Variants in UBE3D observed in about 807,000 individuals in gnomAD.
UBE3D encodes the protein ubiquitin protein ligase E3D, also known as E3 ubiquitin-protein ligase E3D.
UBE3D carries 48 observed loss-of-function variants against 49.6 expected under a neutral mutation model. The observed-to-expected ratio is 0.97, with a 90% CI of 0.77 to 1.23. UBE3D has a LOEUF of 1.23. Among genes scored for constraint, UBE3D ranks in the 50% most tolerant of loss-of-function variants. The probability of loss-of-function intolerance (pLI) is 0.00; values close to 1 mark genes in which losing one functional copy is unlikely to be tolerated. For missense variants in UBE3D, 452 were observed against 468.4 expected, an observed-to-expected ratio of 0.96 and a Z score of 0.32; for synonymous variants, 189 against 174.2, an observed-to-expected ratio of 1.08 and a Z score of -0.67.
chr6:82,940,933 C>T (rs1481024787), intron 9 of UBE3D, among the ~76,000 whole-genome samples: 1 of 152,106 alleles, frequency 6.6e-6, no homozygotes, highest in Non-Finnish European at 1.5e-5. Context: ...TCTAAAATGG[C>T]CGTGCACGGT....
At chr6:83,039,893 GCCTCC>G (rs1034873124) in intron 4 of UBE3D, among the ~76,000 whole-genome samples, 6 of 152,062 alleles carry the variant, frequency 3.9e-5, no homozygotes, top group Non-Finnish European at 7.4e-5. Context: ...ACCCACCTTG[GCCTCC>G]CTAAGTGCTG....
At chr6:82,980,664 A>C (rs1778052193) in intron 8 of UBE3D, among the ~76,000 whole-genome samples, 9 of 152,110 alleles carry the variant, frequency 5.9e-5, no homozygotes, top group Admixed American at 5.9e-4. Flanking sequence ...AATGTCCAGA[A>C]GACTTTTTCC....
At chr6:82,915,138 AG>A (rs1772826955) in intron 9 of UBE3D, among the ~76,000 whole-genome samples, 1 of 152,204 alleles carries the variant, frequency 6.6e-6, no homozygotes, top group Non-Finnish European at 1.5e-5. Context: ...AACTTGGGAT[AG>A]GGAAAAATGA....
intron 8 of UBE3D, among the ~76,000 whole-genome samples, chr6:83,013,937 G>A (rs952923772): frequency 4.8e-5 from 7 of 145,540 alleles, no homozygotes; most frequent in Admixed American, 2.7e-4. Context: ...ACACAAAGAC[G>A]GAGAGTTGAT....
intron 3 of UBE3D, 94 bp downstream of exon 3, chr6:83,054,054 A>C: frequency 9.5e-7 from 1 of 1,050,574 alleles, no homozygotes; most frequent in Non-Finnish European, 1.5e-6. Flanking sequence ...AAGGCCATAT[A>C]CTACTCCATT....
intron 9 of UBE3D, among the ~76,000 whole-genome samples, chr6:82,897,162 T>TAA (rs905676563): frequency 6.7e-6 from 1 of 148,898 alleles, no homozygotes; most frequent in Non-Finnish European, 1.5e-5. Flanking sequence ...ATTGTTGACT[T>TAA]AAAAAAAAAA....
intron 9 of UBE3D, among the ~76,000 whole-genome samples, chr6:82,955,330 C>T (rs1248925604): frequency 6.6e-6 from 1 of 152,176 alleles, no homozygotes; most frequent in East Asian, 1.9e-4. Context: ...TTAAATCATC[C>T]ATGGATGACT....
intron 5 of UBE3D, among the ~76,000 whole-genome samples, chr6:83,024,370 C>T (rs1781305041): frequency 6.6e-6 from 1 of 152,120 alleles, no homozygotes; most frequent in African/African-American, 2.4e-5. Flanking sequence ...TACAGAATAG[C>T]TACAAACCTG....
intron 9 of UBE3D, among the ~76,000 whole-genome samples, chr6:82,924,059 C>A (rs1773562028): frequency 6.7e-6 from 1 of 149,952 alleles, no homozygotes; most frequent in Non-Finnish European, 1.5e-5. Flanking sequence ...TTTTCTTAAG[C>A]AGAAGCATGC....
At chr6:83,060,884 T>A (rs978011869) in intron 1 of UBE3D, among the ~76,000 whole-genome samples, 1 of 152,140 alleles carries the variant, frequency 6.6e-6, no homozygotes, top group Admixed American at 6.5e-5. Flanking sequence ...ACAGTAAGAA[T>A]CATGTATCCT....
intron 9 of UBE3D, among the ~76,000 whole-genome samples, chr6:82,944,271 G>A (rs190889): frequency 0.66 from 100,159 of 152,050 alleles, 33,744 homozygotes; most frequent in East Asian, 0.79. Context: ...ATACTAGCTC[G>A]GCCACAGTAT....
chr6:82,893,117 A>C, intron 9 of UBE3D, 75 bp from the exon 10 acceptor site: 1 of 1,558,296 alleles, frequency 6.4e-7, no homozygotes, highest in Non-Finnish European at 8.8e-7. Context: ...ATCAAATCAG[A>C]ATCAGGTTAA....
chr6:82,909,019 A>G (rs1383219528), intron 9 of UBE3D, among the ~76,000 whole-genome samples: 2 of 152,170 alleles, frequency 1.3e-5, no homozygotes, highest in African/African-American at 2.4e-5. Flanking sequence ...TCTGTGCTCA[A>G]TTAATGCAGT....
chr6:82,929,790 T>C (rs1337069485), intron 9 of UBE3D, among the ~76,000 whole-genome samples: 2 of 152,202 alleles, frequency 1.3e-5, no homozygotes, highest in African/African-American at 4.8e-5. Flanking sequence ...GTGCATAGAA[T>C]TCCCATATTC....
intron 2 of UBE3D, among the ~76,000 whole-genome samples, chr6:83,056,239 G>A (rs1783808836): frequency 1.3e-5 from 2 of 152,116 alleles, no homozygotes; most frequent in Admixed American, 1.3e-4. Flanking sequence ...CTATGTCCCT[G>A]GTGGTCTCTA....
intron 5 of UBE3D, among the ~76,000 whole-genome samples, chr6:83,035,676 G>T (rs1179331400): frequency 1.3e-5 from 2 of 152,154 alleles, no homozygotes; most frequent in Non-Finnish European, 2.9e-5. Flanking sequence ...GGCCTGAAGT[G>T]GCTTCCTTAC....
At chr6:83,035,103 C>T (rs1041399572) in intron 5 of UBE3D, among the ~76,000 whole-genome samples, 1 of 151,706 alleles carries the variant, frequency 6.6e-6, no homozygotes, top group Non-Finnish European at 1.5e-5. Flanking sequence ...ATCACTTGAG[C>T]CCGGGAGGTT....
intron 5 of UBE3D, chr6:83,035,994 C>T (rs548904522): frequency 1.3e-5 from 2 of 149,090 alleles, no homozygotes; most frequent in South Asian, 4.3e-4. Context: ...GGAAACTTAA[C>T]TGATTACATA....
intron 2 of UBE3D, among the ~76,000 whole-genome samples, chr6:83,056,799 C>G (rs1381315176): frequency 6.6e-6 from 1 of 152,198 alleles, no homozygotes; most frequent in African/African-American, 2.4e-5. Context: ...CCACACAGCG[C>G]AGATGAAAGG....
Sources: allele counts gnomAD v4.1 joint callset (sites outside exome capture counted in the v4.1 genomes callset), GRCh38; gene constraint gnomAD v4.1.1; transcripts MANE v1.5; gene names NCBI Gene and HGNC (gene_info 2026-07-23, HGNC 2026-07-21).